The following KMT2C variants were observed in gnomAD, a reference collection of about 807,000 sequenced individuals.
The protein encoded by KMT2C is histone-lysine N-methyltransferase 2C.
KMT2C carries 88 observed loss-of-function variants against 507.9 expected under a neutral mutation model. The observed-to-expected ratio is 0.17, with a 90% CI of 0.15 to 0.21. The LOEUF is 0.21. Ranked by LOEUF, KMT2C falls within the 10% of genes least tolerant of loss-of-function variation. KMT2C has a pLI of 1.00. For missense variants in KMT2C, 4,954 were observed against 5,957.8 expected (o/e 0.83, Z 5.55); for synonymous variants, 2,049 against 2,080.8 (o/e 0.98, Z 0.42).
At chr7:152,180,305 G>A (rs185801678) in intron 36 of KMT2C, among the ~76,000 whole-genome samples, 179 bp from the exon 37 acceptor site, 43 of 152,188 alleles carry the variant, frequency 2.8e-4, no homozygotes, top group Admixed American at 5.9e-4. Context: ...ACAAGCATGC[G>A]CCACCGTGCC....
chr7:152,192,552 A>G (rs1022635903), intron 31 of KMT2C, among the ~76,000 whole-genome samples: 1 of 144,414 alleles, frequency 6.9e-6, no homozygotes, highest in Non-Finnish European at 1.5e-5. Context: ...GAAAAAAAAG[A>G]AAAAAAAAAA....
At chr7:152,258,104 G>A (rs1198367641) in intron 9 of KMT2C, among the ~76,000 whole-genome samples, 1 of 152,122 alleles carries the variant, frequency 6.6e-6, no homozygotes, top group Non-Finnish European at 1.5e-5. Flanking sequence ...CCCCACTAAA[G>A]GAATCTGGGT....
At position 152,181,693 on chromosome 7, in the gene KMT2C, G is replaced by A. The variant is rs2093439589; in HGVS notation, c.6167C>T (p.Pro2056Leu). 6.2e-7 allele frequency: 1 copy of A among 1,614,184 alleles called. No homozygotes were observed. Among genetic ancestry groups the A allele is most frequent in the Non-Finnish European group, 8.5e-7 (1 of 1,180,034 alleles). The change falls in exon 36 of 59, where the codon CCT (proline) becomes CTT (leucine). Residue 2056 changes from proline (P) to leucine (L), a missense_variant. Coordinates refer to ENST00000262189, the MANE Select transcript of KMT2C (RefSeq NM_170606.3). ...TGATGCCTGTGACACTGATCCATAA[G>A]GATCCTGAGAGGATGGAGGAGGTTG... The part of the protein sequence containing the change: ...PMQPPPSSQD[P>L]YGSVSQASRR...
chr7:152,298,436 T>C (rs2096535863), intron 6 of KMT2C, among the ~76,000 whole-genome samples: 1 of 152,122 alleles, frequency 6.6e-6, no homozygotes, highest in South Asian at 2.1e-4. Flanking sequence ...AGAACAAAGA[T>C]AAGAACAACA....
At chr7:152,238,602 T>G in intron 15 of KMT2C, 105 bp downstream of exon 15, 2 of 908,360 alleles carry the variant, frequency 2.2e-6, no homozygotes, top group Non-Finnish European at 3.2e-6. Context: ...AAAAAGTGTT[T>G]CTTGGAAGCT....
intron 23 of KMT2C, among the ~76,000 whole-genome samples, chr7:152,212,064 A>G (rs112948101): frequency 0.065 from 9,858 of 152,138 alleles, 458 homozygotes; most frequent in Middle Eastern, 0.11. Context: ...CGAAGAAAAG[A>G]GAAGAGAAGA....
At chr7:152,206,164 A>G (rs2094303233) in intron 24 of KMT2C, among the ~76,000 whole-genome samples, 1 of 152,208 alleles carries the variant, frequency 6.6e-6, no homozygotes, top group African/African-American at 2.4e-5. Flanking sequence ...AGTGCTTAGA[A>G]TAGAGGTCTG....
At position 152,163,346 on chromosome 7, in the gene KMT2C, G is replaced by C. The variant is rs778695942; in HGVS notation, c.10231C>G (p.Gln3411Glu). Residue 3411 changes from glutamine (Q) to glutamate (E), a missense_variant, in exon 43 of 59, where the codon CAA becomes GAA. Transcript: ENST00000262189. The stretch of plus-strand genomic sequence containing the variant: ...ACCTCCTGCATGAGTTGGATCCGTT[G>C]TCTCTCTTGCTGTTCTCGTAAACGT... Reference protein sequence around the residue: ...KERLREQQERQRIQLMQEVDR... With the variant: ...KERLREQQERERIQLMQEVDR... The C allele has an allele frequency of 5.6e-6, 9 of 1,614,022 alleles. No individual in the cohort carries two copies. The African/African-American group carries it at 9.3e-5, about 17-fold the overall frequency.
rs987237793 is a variant in KMT2C at position 152,364,926 on chromosome 7, A to G, written c.162-6251T>C. On this transcript the variant is annotated intron_variant, in intron 1 of 58. Coordinates refer to ENST00000262189, the MANE Select transcript of KMT2C (RefSeq NM_170606.3). ...CAGATCCAAGCACAACAAAATCTGAAACAGACAGACACACACACACACACA... is the reference window on the plus strand; with the variant it reads ...CAGATCCAAGCACAACAAAATCTGAGACAGACAGACACACACACACACACA... 4.8e-5 allele frequency among the ~76,000 whole-genome samples: 7 copies of G among 144,380 alleles called. No homozygotes were observed. The East Asian group carries it at 8.6e-4, about 18-fold the overall frequency. 94.7% of individuals were successfully genotyped at this position (144,380 alleles called of 152,430 possible). A position where few individuals can be genotyped will look rare whatever the true frequency, so the allele number is the denominator to read the frequency against.
intron 1 of KMT2C, among the ~76,000 whole-genome samples, chr7:152,364,957 AC>A (rs1336896743): frequency 1.3e-5 from 2 of 152,010 alleles, no homozygotes; most frequent in African/African-American, 4.8e-5. Context: ...ACACACACAC[AC>A]ACACACACAC....
intron 42 of KMT2C, among the ~76,000 whole-genome samples, chr7:152,164,509 T>G: frequency 6.6e-6 from 1 of 151,992 alleles, no homozygotes; most frequent in South Asian, 2.1e-4. Flanking sequence ...CAGGATGGTC[T>G]CGATCTCCTG....
At chr7:152,277,939 A>G (rs1480519160) in intron 6 of KMT2C, among the ~76,000 whole-genome samples, 1 of 152,216 alleles carries the variant, frequency 6.6e-6, no homozygotes, top group Admixed American at 6.5e-5. Context: ...ACACATATAC[A>G]TATTTTACAT....
rs139097987 is a variant in KMT2C at position 152,135,876 on chromosome 7, G to C, written c.*956C>G. 2.1e-3 allele frequency: 486 copies of C among 231,264 alleles called. 2 individuals carry two copies. Among genetic ancestry groups the C allele is most frequent in the African/African-American group, 0.01 (454 of 45,286 alleles). The allele number at this position is 231,264 out of a possible 1,614,324, so 14.3% of individuals were successfully genotyped here. On this transcript the variant is annotated 3_prime_UTR_variant, in exon 59 of 59. Transcript: ENST00000262189. ...AACCATTGAGTACTAATAGACTGCG[G>C]TTTCCAAAAAACCCCCAACACTCTA...
intron 1 of KMT2C, among the ~76,000 whole-genome samples, chr7:152,370,832 T>C (rs1323390921): frequency 5.3e-5 from 8 of 152,226 alleles, no homozygotes; most frequent in Admixed American, 6.5e-5. Flanking sequence ...AACATAGCCA[T>C]GTATATTTGT....
Position 152,315,250 on chromosome 7 carries a change from T to C in KMT2C, c.478A>G (p.Ile160Val). The C allele has an allele frequency of 6.2e-7, 1 of 1,614,000 alleles. No homozygotes were observed. Among genetic ancestry groups the C allele is most frequent in the Non-Finnish European group, 8.5e-7 (1 of 1,179,890 alleles). Residue 160 changes from isoleucine to valine, a missense_variant, in exon 4 of 59, where the codon ATC becomes GTC. Transcript: ENST00000262189. ...LKQFRITPGF[I>V]LPWRNQPSNK... ...GAAGGTTGGTTTCTCCATGGCAAGATAAATCCAGGCGTTATTCTGAATTGT... is the reference window on the plus strand; with the variant it reads ...GAAGGTTGGTTTCTCCATGGCAAGACAAATCCAGGCGTTATTCTGAATTGT...
chr7:152,257,237 T>C (rs1300333782), intron 9 of KMT2C, among the ~76,000 whole-genome samples: 1 of 152,124 alleles, frequency 6.6e-6, no homozygotes, highest in Non-Finnish European at 1.5e-5. Flanking sequence ...CCAGATTTTA[T>C]TACACGAAAA....
Position 152,288,022 on chromosome 7 carries a change from C to CAAA in KMT2C, c.850-14158_850-14156dup, listed in dbSNP as rs66951420. ...TGGGCAACAGAGCAAGAGTCTGCCT[C>CAAA]AAAAAAAAAAAAAAAAAAAAAAAGC... On this transcript the variant is annotated intron_variant, in intron 6 of 58. Coordinates refer to ENST00000262189, the MANE Select transcript of KMT2C (RefSeq NM_170606.3). 1.6e-3 allele frequency among the ~76,000 whole-genome samples: 49 copies of CAAA among 31,578 alleles called. 1 individual carries two copies. The highest frequency in any genetic ancestry group is 2.2e-3 in the Admixed American group (6 of 2,742). The allele number at this position is 31,578 out of a possible 152,430, so 20.7% of individuals were successfully genotyped here.
At chr7:152,155,464 C>T in intron 46 of KMT2C, among the ~76,000 whole-genome samples, 1 of 152,184 alleles carries the variant, frequency 6.6e-6, no homozygotes. Flanking sequence ...CATCAAACCC[C>T]AGACAGTTCT....
intron 6 of KMT2C, among the ~76,000 whole-genome samples, chr7:152,299,481 C>T (rs549847558): frequency 3.0e-4 from 46 of 151,770 alleles, no homozygotes; most frequent in Middle Eastern, 6.8e-3. Context: ...TAGTGAGACC[C>T]CATATATAAA....
Sources: allele counts gnomAD v4.1 joint callset (sites outside exome capture counted in the v4.1 genomes callset), GRCh38; gene constraint gnomAD v4.1.1; transcripts MANE v1.5; gene names NCBI Gene and HGNC (gene_info 2026-07-23, HGNC 2026-07-21).